KIF13A: variants seen among roughly 807,000 people sequenced by gnomAD.
The protein encoded by KIF13A is kinesin-like protein KIF13A.
Under a neutral mutation model 212.2 loss-of-function variants are expected in KIF13A, and 79 were observed. The observed-to-expected ratio is 0.37, with a 90% CI of 0.31 to 0.45. The LOEUF (loss-of-function observed/expected upper bound fraction) is 0.45, where lower values mean the gene tolerates loss of function less well. Among genes scored for constraint, KIF13A ranks in the 20% least tolerant of loss-of-function variants. The probability of loss-of-function intolerance (pLI) is 1.00; values close to 1 mark genes in which losing one functional copy is unlikely to be tolerated. For missense variants in KIF13A, 1,901 were observed against 2,209.0 expected, an observed-to-expected ratio of 0.86 and a Z score of 2.79; for synonymous variants, 789 against 808.6, an observed-to-expected ratio of 0.98 and a Z score of 0.41.
chr6:17,964,745 A>G (rs1312457687), intron 2 of KIF13A, among the ~76,000 whole-genome samples: 1 of 152,310 alleles, frequency 6.6e-6, no homozygotes, highest in East Asian at 1.9e-4. Context: ...TTAGGTCAGT[A>G]GAGCTTCACA....
At chr6:17,930,382 A>C (rs926992167) in intron 2 of KIF13A, among the ~76,000 whole-genome samples, 2 of 152,172 alleles carry the variant, frequency 1.3e-5, no homozygotes, top group African/African-American at 4.8e-5. Context: ...AAGAAGTAAC[A>C]AATTCCTCAG....
Position 17,979,113 on chromosome 6 carries a change from C to T in KIF13A, c.146+7941G>A, listed in dbSNP as rs914489670. The stretch of plus-strand genomic sequence containing the variant: ...TTTGAGAACAGCCTGACCAATGCAG[C>T]GAAACCCCATGCCTACTAAAAATAC... On this transcript the variant is annotated intron_variant, in intron 2 of 38. Coordinates refer to ENST00000259711, the MANE Select transcript of KIF13A (RefSeq NM_022113.6). Among the ~76,000 whole-genome samples, 10 of 152,240 alleles carry T rather than the reference C, an allele frequency of 6.6e-5. 1 individual carries two copies. The highest frequency in any genetic ancestry group is 2.2e-4 in the African/African-American group (9 of 41,554).
rs1476269666 is a variant in KIF13A, at chr6:17,769,170, AC to A, written c.4581+1943del. On this transcript the variant is annotated intron_variant, in intron 38 of 38. Transcript: ENST00000259711. This position sits in a 1 kb window ranked among gnomAD's most constrained non-coding sequence, Gnocchi z 5.8. Reference sequence around the variant, plus strand: ...GTCACAAAGGAAGAAAACAGTCTGTACCCATTTATAAGAGAAAAAACAAAAT... The same window carrying A: ...GTCACAAAGGAAGAAAACAGTCTGTACCATTTATAAGAGAAAAAACAAAAT... Among the ~76,000 whole-genome samples, 1 of 152,222 alleles carries A rather than the reference AC, an allele frequency of 6.6e-6. No individual in the cohort carries two copies. Among genetic ancestry groups the A allele is most frequent in the Non-Finnish European group, 1.5e-5 (1 of 68,040 alleles).
chr6:17,943,904 A>G (rs1777161277), intron 2 of KIF13A, among the ~76,000 whole-genome samples: 1 of 152,118 alleles, frequency 6.6e-6, no homozygotes, highest in South Asian at 2.1e-4. Flanking sequence ...GAACTGGTTA[A>G]ATGGAGATCA....
chr6:17,805,935 T>TC (rs1262759445), intron 18 of KIF13A, among the ~76,000 whole-genome samples: 1 of 125,264 alleles, frequency 8.0e-6, no homozygotes, highest in African/African-American at 2.8e-5. Context: ...TTTTTTTTTT[T>TC]TTGAGATAGG....
chr6:17,943,935 A>G (rs1044465105), intron 2 of KIF13A, among the ~76,000 whole-genome samples: 2 of 152,174 alleles, frequency 1.3e-5, no homozygotes, highest in Non-Finnish European at 2.9e-5. Context: ...CCTCAACCAC[A>G]TTAAGTTGAT....
chr6:17,946,345 C>CA (rs1249620939), intron 2 of KIF13A, among the ~76,000 whole-genome samples: 2 of 151,026 alleles, frequency 1.3e-5, no homozygotes, highest in South Asian at 4.2e-4. Context: ...TAAAACCAAG[C>CA]AAAAACAGAA....
chr6:17,790,696 T>C (rs1353543920), intron 25 of KIF13A, among the ~76,000 whole-genome samples: 2 of 152,212 alleles, frequency 1.3e-5, no homozygotes, highest in African/African-American at 4.8e-5. Flanking sequence ...AAGCCATGTC[T>C]GAGGTCTCCA....
At chr6:17,802,919 T>TG (rs1554167863) in intron 20 of KIF13A, among the ~76,000 whole-genome samples, 3 of 97,250 alleles carry the variant, frequency 3.1e-5, no homozygotes, top group South Asian at 3.1e-4. Context: ...GTTAATTTTT[T>TG]TGTGTTTTTT....
At chr6:17,869,854 G>T (rs2150430017) in intron 4 of KIF13A, among the ~76,000 whole-genome samples, 1 of 152,324 alleles carries the variant, frequency 6.6e-6, no homozygotes, top group South Asian at 2.1e-4. Context: ...GAGCGGCTTT[G>T]AGAGTCCTGA....
At position 17,849,384 on chromosome 6, in the gene KIF13A, T is replaced by C; in HGVS notation, c.823A>G (p.Ile275Val). 1 of 1,610,746 alleles carries C rather than the reference T, an allele frequency of 6.2e-7. No homozygotes were observed. Among genetic ancestry groups the C allele is most frequent in the Non-Finnish European group, 8.5e-7 (1 of 1,177,618 alleles). Residue 275 changes from isoleucine to valine, a missense_variant, in exon 9 of 39, where the codon ATT becomes GTT. Ile to Val is a conservative substitution (Grantham distance 29, BLOSUM62 3). Coordinates refer to ENST00000259711, the MANE Select transcript of KIF13A (RefSeq NM_022113.6). The surrounding 1 kb of genome is among the most constrained non-coding windows in gnomAD (Gnocchi z 5.7). ...TGGGACCAGCCACCTTACTTGTTAA[T>C]GTTGCTGCCTTCTTTCAGTCGCTCT... ...AGERLKEGSNINKSLTTLGLV... is the reference protein window; with the variant it reads ...AGERLKEGSNVNKSLTTLGLV...
At chr6:17,854,089 G>A (rs2150404008) in intron 6 of KIF13A, among the ~76,000 whole-genome samples, 1 of 152,124 alleles carries the variant, frequency 6.6e-6, no homozygotes, top group Admixed American at 6.5e-5. Context: ...TTCTTTGATT[G>A]GGTCACTTCC....
At position 17,804,218 on chromosome 6, in the gene KIF13A, G is replaced by T. The variant is rs1433583538; in HGVS notation, c.2454+143C>A. On this transcript the variant is annotated intron_variant, in intron 20 of 38. Transcript: ENST00000259711. The stretch of plus-strand genomic sequence containing the variant: ...AAGCTTCTAATATCGATTATTAGTA[G>T]AGAAAAAAGAATGCAGACCTTGACT... 6 of 623,260 alleles carry T rather than the reference G, an allele frequency of 9.6e-6. No individual in the cohort carries two copies. The East Asian group carries it at 1.8e-4, about 19-fold the overall frequency. 38.6% of individuals were successfully genotyped at this position (623,260 alleles called of 1,614,324 possible). A position where few individuals can be genotyped will look rare whatever the true frequency, so the allele number is the denominator to read the frequency against.
intron 6 of KIF13A, among the ~76,000 whole-genome samples, chr6:17,854,933 A>G (rs1003352184): frequency 6.6e-6 from 1 of 151,876 alleles, no homozygotes; most frequent in Non-Finnish European, 1.5e-5. Flanking sequence ...TCACCTAGTT[A>G]AAAAAAATAT....
intron 4 of KIF13A, among the ~76,000 whole-genome samples, chr6:17,869,366 A>T (rs2150429106): frequency 6.6e-6 from 1 of 152,310 alleles, no homozygotes. Context: ...AACGATAAAC[A>T]TTAAGGCAGT....
rs1386026779 is a variant in KIF13A at position 17,918,523 on chromosome 6, T to TA, written c.147-20344dup. ...ATTTACTGGATTACTCAGTAGCTCT[T>TA]AAAGTGGCAGGTATCAAGTGGGGAA... On this transcript the variant is annotated intron_variant, in intron 2 of 38. Transcript: ENST00000259711. The surrounding 1 kb of genome is among the most constrained non-coding windows in gnomAD (Gnocchi z 4.8). 6.6e-6 allele frequency among the ~76,000 whole-genome samples: 1 copy of TA among 152,214 alleles called. No individual in the cohort carries two copies. Among genetic ancestry groups the TA allele is most frequent in the African/African-American group, 2.4e-5 (1 of 41,460 alleles).
rs367977376 is a variant in KIF13A, at chr6:17,829,929, G to A, written c.1401+1172C>T. ...CAAGGTGTCTCACTGTTCTCAAGCA[G>A]GCAATACCTTCGCATTTAGAGATTC... On this transcript the variant is annotated intron_variant, in intron 13 of 38. Coordinates refer to ENST00000259711, the MANE Select transcript of KIF13A (RefSeq NM_022113.6). The surrounding 1 kb of genome is among the most constrained non-coding windows in gnomAD (Gnocchi z 5.4). Among the ~76,000 whole-genome samples the A allele has an allele frequency of 2.6e-4, 40 of 152,200 alleles. No homozygotes were observed. Among genetic ancestry groups the A allele is most frequent in the East Asian group, 2.5e-3 (13 of 5,156 alleles).
intron 12 of KIF13A, 48 bp from the exon 13 acceptor site, chr6:17,831,283 T>C (rs749376781): frequency 6.3e-7 from 1 of 1,587,884 alleles, no homozygotes; most frequent in South Asian, 1.2e-5. Context: ...TGTTGTTCTA[T>C]TCACAAGATG....
rs985262311 is a variant in KIF13A, at chr6:17,809,181, G to T, written c.2001-251C>A. Among the ~76,000 whole-genome samples, 1 of 152,164 alleles carries T rather than the reference G, an allele frequency of 6.6e-6. No homozygotes were observed. The highest frequency in any genetic ancestry group is 6.5e-5 in the Admixed American group (1 of 15,276). On this transcript the variant is annotated intron_variant, in intron 17 of 38. Transcript: ENST00000259711. The surrounding 1 kb of genome is among the most constrained non-coding windows in gnomAD (Gnocchi z 4.7). ...TTTAAATTATGTAACACGTGAAAAC[G>T]ATCAGATTGTGATAGGAGGATGCAA...
Sources: allele counts gnomAD v4.1 joint callset (sites outside exome capture counted in the v4.1 genomes callset), GRCh38; gene constraint gnomAD v4.1.1; non-coding constraint Gnocchi (gnomAD v3.1); transcripts MANE v1.5; gene names NCBI Gene and HGNC (gene_info 2026-07-23, HGNC 2026-07-21).